The following ARHGEF38 variants were observed in gnomAD, a reference collection of about 807,000 sequenced individuals.
ARHGEF38 encodes the protein Rho guanine nucleotide exchange factor 38, also known as Rho guanine nucleotide exchange factor (GEF) 38.
ARHGEF38 carries 79 observed loss-of-function variants against 79.9 expected under a neutral mutation model. The ratio of observed to expected loss-of-function variants is 0.99; its 90% CI spans 0.82 to 1.19. ARHGEF38 has a LOEUF of 1.19. Ranked by LOEUF, ARHGEF38 falls within the 50% of genes most tolerant of loss-of-function variation. The pLI is 0.00. For missense variants in ARHGEF38, 962 were observed against 907.2 expected (o/e 1.06, Z -0.78); for synonymous variants, 366 against 328.3 (o/e 1.11, Z -1.24).
At chr4:105,612,222 A>G (rs1026717671) in intron 2 of ARHGEF38, among the ~76,000 whole-genome samples, 10 of 152,160 alleles carry the variant, frequency 6.6e-5, no homozygotes, top group Non-Finnish European at 1.5e-4. Context: ...TGAGTCTGAA[A>G]TAATGGAAAA....
chr4:105,575,161 C>T (rs867024255), intron 1 of ARHGEF38, among the ~76,000 whole-genome samples: 1 of 152,030 alleles, frequency 6.6e-6, no homozygotes, highest in Admixed American at 6.5e-5. Context: ...TGACTTCTTT[C>T]CTTTGGGTAG....
At position 105,660,732 on chromosome 4, in the gene ARHGEF38, G is replaced by A. The variant is rs887798227; in HGVS notation, c.1545+1367G>A. 3.9e-5 allele frequency among the ~76,000 whole-genome samples: 6 copies of A among 152,098 alleles called. 1 individual carries two copies. Among genetic ancestry groups the A allele is most frequent in the African/African-American group, 1.4e-4 (6 of 41,424 alleles). On this transcript the variant is annotated intron_variant, in intron 10 of 13. Transcript: ENST00000420470. Reference sequence around the variant, plus strand: ...TGGGATTATAGGCATGAGCCACTGCGCCCAGCCTGAGCTTCCTAATTCTTT... The same window carrying A: ...TGGGATTATAGGCATGAGCCACTGCACCCAGCCTGAGCTTCCTAATTCTTT...
intron 1 of ARHGEF38, chr4:105,570,197 T>C (rs2110419960): frequency 1.3e-5 from 2 of 152,362 alleles, no homozygotes; most frequent in African/African-American, 4.8e-5. Context: ...ATCCCATTTT[T>C]AGAGTTGTGA....
intron 1 of ARHGEF38, among the ~76,000 whole-genome samples, chr4:105,587,175 G>A (rs1285732357): frequency 6.6e-6 from 1 of 152,148 alleles, no homozygotes; most frequent in Non-Finnish European, 1.5e-5. Context: ...TGGTGCAGTG[G>A]CTCACACTTG....
intron 1 of ARHGEF38, among the ~76,000 whole-genome samples, chr4:105,566,991 G>A (rs996737191): frequency 2.6e-5 from 4 of 152,164 alleles, no homozygotes; most frequent in South Asian, 2.1e-4. Context: ...GATCTTAGGT[G>A]ATCCTCCTGC....
intron 3 of ARHGEF38, among the ~76,000 whole-genome samples, chr4:105,624,372 C>T (rs1008431540): frequency 6.6e-6 from 1 of 152,124 alleles, no homozygotes; most frequent in Non-Finnish European, 1.5e-5. Context: ...GTCAGTTTTC[C>T]AGTCTACTCT....
chr4:105,570,835 T>C (rs1187687725), intron 1 of ARHGEF38, among the ~76,000 whole-genome samples: 1 of 152,144 alleles, frequency 6.6e-6, no homozygotes, highest in Non-Finnish European at 1.5e-5. Context: ...TCTGATAACA[T>C]GATATAACAT....
At chr4:105,568,715 A>G (rs1000474216) in intron 1 of ARHGEF38, among the ~76,000 whole-genome samples, 2 of 152,216 alleles carry the variant, frequency 1.3e-5, no homozygotes, top group Admixed American at 6.5e-5. Context: ...AATGACTGTG[A>G]AAGTTGCTCA....
intron 2 of ARHGEF38, among the ~76,000 whole-genome samples, chr4:105,601,115 C>T (rs141299650): frequency 5.3e-5 from 8 of 152,280 alleles, no homozygotes; most frequent in African/African-American, 1.9e-4. Flanking sequence ...CTTCCCCTCT[C>T]ACTCTGATTA....
chr4:105,553,373 G>A (rs967418582), intron 1 of ARHGEF38, among the ~76,000 whole-genome samples: 13 of 152,046 alleles, frequency 8.6e-5, no homozygotes, highest in African/African-American at 3.1e-4. Flanking sequence ...ATATATCTAG[G>A]TAATGGTACT....
rs1425872255 is a variant in ARHGEF38 at position 105,568,403 on chromosome 4, T to G, written c.196+15442T>G. 2.0e-5 allele frequency among the ~76,000 whole-genome samples: 3 copies of G among 151,554 alleles called. No individual in the cohort carries two copies. In the South Asian group the frequency reaches 6.3e-4, roughly 32 times the overall value. On this transcript the variant is annotated intron_variant, in intron 1 of 13. Transcript: ENST00000420470. ...TTACACTGTTGGTGGGACTGTAAAC[T>G]AGTTCAACCATTGTGGAAGTCAGTG...
intron 1 of ARHGEF38, among the ~76,000 whole-genome samples, chr4:105,565,798 T>C (rs549511230): frequency 6.6e-6 from 1 of 152,318 alleles, no homozygotes; most frequent in Non-Finnish European, 1.5e-5. Context: ...TTTCTTTAAA[T>C]GGCACCATGA....
intron 4 of ARHGEF38, 199 bp downstream of exon 4, chr4:105,631,244 A>G: frequency 3.2e-6 from 4 of 1,246,064 alleles, no homozygotes; most frequent in Non-Finnish European, 4.0e-6. Flanking sequence ...GAGAATGACT[A>G]AAAATAACAT....
chr4:105,627,387 C>T (rs892240563), intron 3 of ARHGEF38, among the ~76,000 whole-genome samples: 1 of 151,848 alleles, frequency 6.6e-6, no homozygotes, highest in African/African-American at 2.4e-5. Context: ...TGGGGCTGCA[C>T]GTGAGAGTAT....
chr4:105,661,664 T>C (rs1377550917), intron 10 of ARHGEF38, among the ~76,000 whole-genome samples: 11 of 151,968 alleles, frequency 7.2e-5, no homozygotes, highest in African/African-American at 2.7e-4. Flanking sequence ...CACATCTCAA[T>C]CAATATTTGC....
chr4:105,568,653 T>G (rs1229694120), intron 1 of ARHGEF38, among the ~76,000 whole-genome samples: 1 of 152,248 alleles, frequency 6.6e-6, no homozygotes, highest in African/African-American at 2.4e-5. Flanking sequence ...AATTATATAT[T>G]AGTTAATGGC....
In ARHGEF38 at chr4:105,678,945, A is replaced by C. The variant is rs571318640; in HGVS notation, c.*1008A>C. 120 of 198,666 alleles carry C rather than the reference A, an allele frequency of 6.0e-4. 1 individual carries two copies. The South Asian group carries it at 0.012, about 21-fold the overall frequency. 12.3% of individuals were successfully genotyped at this position (198,666 alleles called of 1,614,324 possible). On this transcript the variant is annotated 3_prime_UTR_variant, in exon 14 of 14. Transcript: ENST00000420470. ...AAAAAAATACGATCAACTTCTTTGC[A>C]AATAGTAGACACATACCTCAACAAT...
intron 5 of ARHGEF38, among the ~76,000 whole-genome samples, chr4:105,641,092 T>C (rs184414048): frequency 1.3e-5 from 2 of 152,134 alleles, no homozygotes; most frequent in Non-Finnish European, 2.9e-5. Flanking sequence ...TTCTTATTAG[T>C]AGATGATGAA....
chr4:105,561,396 AGAATAATAGAATAGAATAGAATAGAATG>A (rs141323502), intron 1 of ARHGEF38, among the ~76,000 whole-genome samples: 1,960 of 23,608 alleles, frequency 0.083, 360 homozygotes, highest in Middle Eastern at 0.19. Context: ...AAAATAGAGT[AGAATAATAGAATAGAATAGAATAGAATG>A]GAATAGAATA....
Sources: allele counts gnomAD v4.1 joint callset (sites outside exome capture counted in the v4.1 genomes callset), GRCh38; gene constraint gnomAD v4.1.1; transcripts MANE v1.5; gene names NCBI Gene and HGNC (gene_info 2026-07-23, HGNC 2026-07-21).